The following LRP1B variants were observed in gnomAD, a reference collection of about 807,000 sequenced individuals.
The protein encoded by LRP1B is LDL receptor related protein 1B, also known as low-density lipoprotein receptor-related protein 1B.
In LRP1B, 217 loss-of-function variants were observed where a neutral mutation model predicts 556.6. The observed-to-expected ratio is 0.39, with a 90% CI of 0.35 to 0.44. The LOEUF (loss-of-function observed/expected upper bound fraction) is 0.44, where lower values mean the gene tolerates loss of function less well. LRP1B is among the 20% of genes least tolerant of loss of function. The pLI is 1.00. For synonymous variants in LRP1B, 2,047 were observed against 1,865.8 expected (o/e 1.10, Z -2.50); for missense variants, 5,053 against 5,620.8 (o/e 0.90, Z 3.23).
intron 2 of LRP1B, among the ~76,000 whole-genome samples, chr2:141,613,366 T>A (rs538109832): frequency 6.6e-6 from 1 of 152,282 alleles, no homozygotes; most frequent in East Asian, 1.9e-4. Flanking sequence ...GACCGTTTAT[T>A]TAAAAAATCC....
chr2:141,705,741 A>G lies in LRP1B; in HGVS notation c.205+104538T>C, dbSNP rs114064270. ...AGGAATTGAAGTGTCTCTTGCTAGT[A>G]TTCCAATGATACTGGTAGGTAGGGG... On this transcript the variant is annotated intron_variant, in intron 2 of 90. Transcript: ENST00000389484. 5.7e-4 allele frequency among the ~76,000 whole-genome samples: 86 copies of G among 152,130 alleles called. 2 individuals are homozygous for G. The highest frequency in any genetic ancestry group is 2.0e-3 in the African/African-American group (82 of 41,544).
intron 3 of LRP1B, among the ~76,000 whole-genome samples, chr2:141,442,255 G>A (rs78441900): frequency 0.014 from 2,202 of 151,940 alleles, 57 homozygotes; most frequent in African/African-American, 0.051. Flanking sequence ...ACAACAAATA[G>A]CAACATACAC....
At chr2:141,077,759 T>C (rs1357511814) in intron 7 of LRP1B, among the ~76,000 whole-genome samples, 1 of 152,194 alleles carries the variant, frequency 6.6e-6, no homozygotes, top group East Asian at 1.9e-4. Flanking sequence ...TCAATCTAAC[T>C]AGCCAGACTC....
At chr2:141,471,917 T>C (rs1472270537) in intron 3 of LRP1B, among the ~76,000 whole-genome samples, 1 of 152,192 alleles carries the variant, frequency 6.6e-6, no homozygotes, top group Non-Finnish European at 1.5e-5. Context: ...ATGAAGGAAA[T>C]ATCTAGATAA....
rs368646601 is a variant in LRP1B at position 141,383,352 on chromosome 2, C to T, written c.343+97044G>A. Among the ~76,000 whole-genome samples, 8 of 152,244 alleles carry T rather than the reference C, an allele frequency of 5.3e-5. 1 individual carries two copies. Among genetic ancestry groups the T allele is most frequent in the African/African-American group, 1.9e-4 (8 of 41,572 alleles). ...ACTACCATATATAATCCAGCAATCC[C>T]ACTTCTGTGTATATATCCAAAGGAA... On this transcript the variant is annotated intron_variant, in intron 3 of 90. Transcript: ENST00000389484.
intron 41 of LRP1B, among the ~76,000 whole-genome samples, chr2:140,604,515 C>T (rs1333677935): frequency 2.6e-5 from 4 of 152,140 alleles, no homozygotes; most frequent in African/African-American, 9.7e-5. Flanking sequence ...AGAGAACATA[C>T]TTTCATCTCA....
chr2:140,359,638 G>T (rs1234068172), intron 72 of LRP1B, among the ~76,000 whole-genome samples: 1 of 151,534 alleles, frequency 6.6e-6, no homozygotes, highest in Non-Finnish European at 1.5e-5. Flanking sequence ...CCAGGATTCT[G>T]TCCTTGTTCC....
intron 3 of LRP1B, among the ~76,000 whole-genome samples, chr2:141,467,841 G>GGGGT (rs1553518612): frequency 2.0e-4 from 21 of 106,376 alleles, no homozygotes; most frequent in Non-Finnish European, 3.8e-4. Context: ...TTGCGGACCG[G>GGGGT]GGGGGGGGGA....
chr2:141,173,055 TAA>T (rs5834814), intron 7 of LRP1B, among the ~76,000 whole-genome samples: 7,511 of 146,790 alleles, frequency 0.051, 251 homozygotes, highest in African/African-American at 0.092. Flanking sequence ...GCTTTAAAAT[TAA>T]AAAAAAAAAA....
At chr2:141,073,637 A>G (rs1489463857) in intron 7 of LRP1B, among the ~76,000 whole-genome samples, 1 of 152,090 alleles carries the variant, frequency 6.6e-6, no homozygotes, top group African/African-American at 2.4e-5. Flanking sequence ...TCTTTTGGAT[A>G]TCTCATATAT....
chr2:141,480,528 C>G lies in LRP1B; in HGVS notation c.211G>C (p.Glu71Gln), dbSNP rs145250710. Residue 71 changes from glutamate to glutamine, a missense_variant, in exon 3 of 91, where the codon GAG becomes CAG. This residue lies in a region of LRP1B where 3,619 missense variants were observed against 3,931.9 expected (regional missense o/e 0.92). Coordinates refer to ENST00000389484, the MANE Select transcript of LRP1B (RefSeq NM_018557.3). ...DSDESLDTCP[E>Q]EVEIKCPLNH... is the part of the protein sequence containing the mutation. The stretch of plus-strand genomic sequence containing the variant: ...AAGGGGCACTTGATTTCTACCTCCT[C>G]GGGACCTGAAAAGATGTAAAAAAGA... 1 of 1,613,718 alleles carries G rather than the reference C, an allele frequency of 6.2e-7. No homozygotes were observed.
In LRP1B at chr2:140,335,658, T is replaced by C; in HGVS notation, c.12073A>G (p.Met4025Val). The change falls in exon 78 of 91, where the codon ATG becomes GTG. Residue 4025 changes from methionine to valine, a missense_variant. This residue lies in a region of LRP1B where 599 missense variants were observed against 648.4 expected (regional missense o/e 0.92). Coordinates refer to ENST00000389484, the MANE Select transcript of LRP1B (RefSeq NM_018557.3). ...GCAATAGCATAGGGTTCTCCAGCCA[T>C]ATTTGTTAAGAGTCTGGTGCAGTTG... Reference protein sequence around the residue: ...GPNCTRLLTNMAGEPYAIAVN... With the variant: ...GPNCTRLLTNVAGEPYAIAVN... 6.2e-7 allele frequency: 1 copy of C among 1,612,582 alleles called. No homozygotes were observed. Among genetic ancestry groups the C allele is most frequent in the Non-Finnish European group, 8.5e-7 (1 of 1,178,944 alleles).
intron 77 of LRP1B, among the ~76,000 whole-genome samples, chr2:140,346,433 ATAT>A (rs913406908): frequency 6.6e-6 from 1 of 151,892 alleles, no homozygotes; most frequent in African/African-American, 2.4e-5. Flanking sequence ...ACCTGAGTCA[ATAT>A]TATTATTGAG....
chr2:140,552,880 T>G (rs1365226403), intron 43 of LRP1B, among the ~76,000 whole-genome samples: 3 of 152,162 alleles, frequency 2.0e-5, no homozygotes, highest in Non-Finnish European at 4.4e-5. Context: ...CAGACTTGAA[T>G]TTTCTTTTTT....
intron 55 of LRP1B, among the ~76,000 whole-genome samples, chr2:140,496,858 G>A (rs1003207075): frequency 6.6e-6 from 1 of 151,268 alleles, no homozygotes; most frequent in Non-Finnish European, 1.5e-5. Context: ...GTATTCAAGA[G>A]CACTCCATAG....
chr2:140,452,225 A>G (rs542072374), intron 62 of LRP1B, among the ~76,000 whole-genome samples: 1 of 152,276 alleles, frequency 6.6e-6, no homozygotes, highest in South Asian at 2.1e-4. Context: ...AAATATAAAC[A>G]GTGACCAAAA....
intron 29 of LRP1B, among the ~76,000 whole-genome samples, chr2:140,846,816 A>G (rs10177475): frequency 6.6e-6 from 1 of 152,100 alleles, no homozygotes; most frequent in Admixed American, 6.5e-5. Flanking sequence ...AGATGAAAGG[A>G]TAAAACAAAG....
At chr2:141,897,602 T>A (rs1056523775) in intron 1 of LRP1B, among the ~76,000 whole-genome samples, 1 of 149,130 alleles carries the variant, frequency 6.7e-6, no homozygotes, top group Non-Finnish European at 1.5e-5. Flanking sequence ...AAGATATGAT[T>A]TTTTTCCAGT....
At chr2:141,810,900 G>A (rs530085489) in intron 1 of LRP1B, among the ~76,000 whole-genome samples, 15 of 152,048 alleles carry the variant, frequency 9.9e-5, no homozygotes, top group African/African-American at 3.6e-4. Flanking sequence ...CTCTACGTGA[G>A]TTGGATACCC....
Sources: allele counts gnomAD v4.1 joint callset (sites outside exome capture counted in the v4.1 genomes callset), GRCh38; gene constraint gnomAD v4.1.1; regional missense constraint gnomAD v4.1.1; transcripts MANE v1.5; gene names NCBI Gene and HGNC (gene_info 2026-07-23, HGNC 2026-07-21).